TNFRSF21: variants seen among roughly 807,000 people sequenced by gnomAD.
TNFRSF21 encodes the protein TNF receptor superfamily member 21, also known as tumor necrosis factor receptor superfamily member 21.
In TNFRSF21, 19 loss-of-function variants were observed where a neutral mutation model predicts 45.6. The ratio of observed to expected loss-of-function variants is 0.42; its 90% CI spans 0.29 to 0.61. The LOEUF (loss-of-function observed/expected upper bound fraction) is 0.61, where lower values mean the gene tolerates loss of function less well. Among genes scored for constraint, TNFRSF21 ranks in the 20% least tolerant of loss-of-function variants. The pLI is 0.23. For synonymous variants in TNFRSF21, 314 were observed against 335.5 expected (o/e 0.94, Z 0.70); for missense variants, 737 against 851.5 (o/e 0.87, Z 1.67).
intron 4 of TNFRSF21, among the ~76,000 whole-genome samples, chr6:47,243,585 T>C (rs1051008263): frequency 6.6e-6 from 1 of 152,086 alleles, no homozygotes; most frequent in African/African-American, 2.4e-5. Context: ...GCCCAGATGA[T>C]TTTTGTAGTT....
intron 3 of TNFRSF21, among the ~76,000 whole-genome samples, chr6:47,277,697 A>AT (rs1187250321): frequency 1.3e-5 from 2 of 152,320 alleles, no homozygotes; most frequent in African/African-American, 2.4e-5. Flanking sequence ...ATTCTAATGC[A>AT]TTTTTTAAAA....
chr6:47,298,683 G>A (rs553380098), intron 1 of TNFRSF21, among the ~76,000 whole-genome samples: 147 of 152,282 alleles, frequency 9.7e-4, no homozygotes, highest in African/African-American at 3.4e-3. Context: ...ATTGCCTAGG[G>A]CTGCTCTCAC....
chr6:47,280,539 A>G (rs1259396377), intron 3 of TNFRSF21, among the ~76,000 whole-genome samples: 1 of 152,240 alleles, frequency 6.6e-6, no homozygotes, highest in Admixed American at 6.5e-5. Context: ...AGCCTAAACT[A>G]TTGGAAGAGA....
rs898305227 is a variant in TNFRSF21 at position 47,261,894 on chromosome 6, A to G, written c.1244-8373T>C. On this transcript the variant is annotated intron_variant, in intron 3 of 5. Coordinates refer to ENST00000296861, the MANE Select transcript of TNFRSF21 (RefSeq NM_014452.5). Reference sequence around the variant, plus strand: ...TACGATAGCATGGTTAAAAATTTGTATACCAACAGCAGTAACTTCCAGTGC... The same window carrying G: ...TACGATAGCATGGTTAAAAATTTGTGTACCAACAGCAGTAACTTCCAGTGC... 3.9e-5 allele frequency among the ~76,000 whole-genome samples: 6 copies of G among 152,110 alleles called. No homozygotes were observed. In the South Asian group the frequency reaches 1.2e-3, roughly 31 times the overall value.
chr6:47,247,762 A>G (rs1401584326), intron 4 of TNFRSF21, among the ~76,000 whole-genome samples: 2 of 151,540 alleles, frequency 1.3e-5, no homozygotes, highest in East Asian at 3.9e-4. Flanking sequence ...CTACTATAGT[A>G]GAGAGAGAGA....
intron 1 of TNFRSF21, among the ~76,000 whole-genome samples, chr6:47,288,631 C>T (rs1314698207): frequency 6.6e-6 from 1 of 151,980 alleles, no homozygotes; most frequent in Non-Finnish European, 1.5e-5. Flanking sequence ...TTTCCCCAAC[C>T]CCAATGTTAA....
intron 1 of TNFRSF21, among the ~76,000 whole-genome samples, chr6:47,304,544 A>G (rs1762912591): frequency 6.6e-6 from 1 of 152,212 alleles, no homozygotes; most frequent in Non-Finnish European, 1.5e-5. Context: ...TTCTGACCCA[A>G]TAATAGCATA....
Position 47,232,889 on chromosome 6 carries a change from A to G in TNFRSF21, c.1844T>C (p.Ile615Thr), listed in dbSNP as rs1378824264. Residue 615 changes from isoleucine (I) to threonine (T), a missense_variant, in exon 6 of 6, where the codon ATT (isoleucine) becomes ACT (threonine). Coordinates refer to ENST00000296861, the MANE Select transcript of TNFRSF21 (RefSeq NM_014452.5). ...GTCCTCAGCCTGGGGAATCTCTTCA[A>G]TCACCCGCAGCTCCTCAGGATTTAG... ...HFLNPEELRVIEEIPQAEDKL... is the reference protein window; with the variant it reads ...HFLNPEELRVTEEIPQAEDKL... The G allele has an allele frequency of 6.2e-7, 1 of 1,614,126 alleles. No homozygotes were observed. The highest frequency in any genetic ancestry group is 1.7e-5 in the Admixed American group (1 of 59,998).
At chr6:47,238,677 G>A (rs1376963237) in intron 4 of TNFRSF21, among the ~76,000 whole-genome samples, 1 of 152,190 alleles carries the variant, frequency 6.6e-6, no homozygotes, top group Non-Finnish European at 1.5e-5. Context: ...ACTCAAGGCT[G>A]AGTCACACCT....
intron 1 of TNFRSF21, among the ~76,000 whole-genome samples, chr6:47,303,885 T>C (rs1247975067): frequency 6.6e-6 from 1 of 152,268 alleles, no homozygotes; most frequent in Non-Finnish European, 1.5e-5. Flanking sequence ...CAGCAGCTGT[T>C]GCTGCTACAG....
chr6:47,252,171 A>T (rs1302952771), intron 4 of TNFRSF21, among the ~76,000 whole-genome samples: 1 of 152,244 alleles, frequency 6.6e-6, no homozygotes, highest in Non-Finnish European at 1.5e-5. Context: ...TAAAGTATGC[A>T]AAATGAAATA....
chr6:47,262,262 C>T (rs1483132579), intron 3 of TNFRSF21, among the ~76,000 whole-genome samples: 1 of 152,194 alleles, frequency 6.6e-6, no homozygotes, highest in Non-Finnish European at 1.5e-5. Flanking sequence ...ATCACTGATA[C>T]TGTGAGGAAA....
At chr6:47,235,119 A>G (rs1453092178) in intron 4 of TNFRSF21, among the ~76,000 whole-genome samples, 1 of 152,168 alleles carries the variant, frequency 6.6e-6, no homozygotes, top group African/African-American at 2.4e-5. Context: ...AAAAACGGGG[A>G]GGCATATGAA....
intron 1 of TNFRSF21, among the ~76,000 whole-genome samples, chr6:47,302,659 C>G (rs1364280538): frequency 6.6e-6 from 1 of 152,192 alleles, no homozygotes; most frequent in Non-Finnish European, 1.5e-5. Flanking sequence ...AGCTAAACTT[C>G]CAAGCACCAT....
chr6:47,309,305 G>A, intron 1 of TNFRSF21, 111 bp downstream of exon 1: 1 of 1,400,866 alleles, frequency 7.1e-7, no homozygotes. Context: ...TAACCCAGTC[G>A]GCCGGGCCCC....
intron 3 of TNFRSF21, among the ~76,000 whole-genome samples, chr6:47,265,118 C>T (rs1011784978): frequency 6.6e-6 from 1 of 152,194 alleles, no homozygotes; most frequent in Non-Finnish European, 1.5e-5. Flanking sequence ...GAAGGGAGTT[C>T]AGATTAGAAG....
At chr6:47,253,618 G>A (rs968051355) in intron 3 of TNFRSF21, 97 bp from the exon 4 acceptor site, 5 of 1,411,232 alleles carry the variant, frequency 3.5e-6, no homozygotes, top group African/African-American at 1.4e-5. Flanking sequence ...GAAGAGGCAC[G>A]CTTTCCTATC....
At chr6:47,258,190 G>A (rs1008194283) in intron 3 of TNFRSF21, among the ~76,000 whole-genome samples, 3 of 151,834 alleles carry the variant, frequency 2.0e-5, no homozygotes, top group African/African-American at 7.3e-5. Flanking sequence ...CCAACATAGC[G>A]AAACCCTGTC....
intron 1 of TNFRSF21, among the ~76,000 whole-genome samples, chr6:47,299,469 TG>T (rs1762836805): frequency 6.6e-6 from 1 of 152,146 alleles, no homozygotes. Flanking sequence ...CACACCAGCC[TG>T]GGGGACAGAG....
Sources: gnomAD v4.1 joint callset for allele counts (sites outside exome capture counted in the v4.1 genomes callset) on GRCh38, gnomAD v4.1.1 for gene constraint, MANE v1.5 for transcripts, NCBI Gene and HGNC (gene_info 2026-07-23, HGNC 2026-07-21) for gene names.